TOR1AIP2: variants seen among roughly 807,000 people sequenced by gnomAD.
TOR1AIP2 encodes the protein torsin 1A interacting protein 2.
A neutral mutation model predicts 32.6 loss-of-function variants in TOR1AIP2; 20 were observed. That is an observed-to-expected ratio of 0.61 (90% CI 0.43 to 0.89). The LOEUF is 0.89. TOR1AIP2 is among the 40% of genes least tolerant of loss of function. The pLI is 0.00. For synonymous variants in TOR1AIP2, 214 were observed against 210.8 expected, an observed-to-expected ratio of 1.02 and a Z score of -0.13; for missense variants, 456 against 553.8, an observed-to-expected ratio of 0.82 and a Z score of 1.77.
At position 179,842,582 on chromosome 1, in the gene TOR1AIP2, A is replaced by C. The variant is rs899527771; in HGVS notation, c.*3489T>G. On this transcript the variant is annotated 3_prime_UTR_variant, in exon 7 of 7. Transcript: ENST00000609928. ...ATTACTCAAGAAGTAATTTATATTA[A>C]TATACAGTGTAATGAAAGTTGTTCT... 3 of 152,208 alleles carry C rather than the reference A, an allele frequency of 2.0e-5. No homozygotes were observed. The highest frequency in any genetic ancestry group is 7.2e-5 in the African/African-American group (3 of 41,446). 9.4% of individuals were successfully genotyped at this position (152,208 alleles called of 1,614,324 possible). A position where few individuals can be genotyped will look rare whatever the true frequency, so the allele number is the denominator to read the frequency against.
chr1:179,858,867 T>A (rs1319146523), intron 3 of TOR1AIP2, among the ~76,000 whole-genome samples: 1 of 152,020 alleles, frequency 6.6e-6, no homozygotes, highest in Non-Finnish European at 1.5e-5. Context: ...GGGGAAAACC[T>A]GGGGAGGGGA....
intron 3 of TOR1AIP2, 90 bp from the exon 4 acceptor site, chr1:179,852,901 T>C (rs1248113251): frequency 2.0e-6 from 2 of 987,470 alleles, no homozygotes; most frequent in African/African-American, 3.3e-5. Flanking sequence ...TATGTGTAGC[T>C]TGAGTACTAT....
At chr1:179,847,959 G>A (rs934062622) in intron 5 of TOR1AIP2, among the ~76,000 whole-genome samples, 7 of 151,722 alleles carry the variant, frequency 4.6e-5, no homozygotes, top group African/African-American at 1.7e-4. Context: ...CTTGAACCTG[G>A]GAGGTGGAGG....
chr1:179,870,890 G>T (rs1441935373), intron 2 of TOR1AIP2, among the ~76,000 whole-genome samples: 1 of 152,186 alleles, frequency 6.6e-6, no homozygotes, highest in African/African-American at 2.4e-5. Flanking sequence ...AATACCTTGA[G>T]AACTACCATT....
intron 2 of TOR1AIP2, chr1:179,874,417 AG>A (rs1012957857): frequency 8.9e-4 from 135 of 152,338 alleles, no homozygotes; most frequent in African/African-American, 2.9e-3. Context: ...TTGTCTCAAA[AG>A]AAAAAGAAAA....
At chr1:179,862,557 TA>T in intron 3 of TOR1AIP2, 1 of 985,376 alleles carries the variant, frequency 1.0e-6, no homozygotes, top group Non-Finnish European at 1.2e-6. Flanking sequence ...GACTAACAAA[TA>T]ACTTCAGGTT....
chr1:179,862,647 G>C, intron 3 of TOR1AIP2: 1 of 985,374 alleles, frequency 1.0e-6, no homozygotes, highest in South Asian at 4.7e-5. Context: ...AAAGAGCCCT[G>C]GTCAGGCACG....
chr1:179,863,365 A>C (rs1696632149), intron 3 of TOR1AIP2: 1 of 985,210 alleles, frequency 1.0e-6, no homozygotes, highest in African/African-American at 1.7e-5. Context: ...AGATGTAAGA[A>C]GAAATTTGCT....
chr1:179,854,403 T>C (rs768702573), intron 3 of TOR1AIP2, among the ~76,000 whole-genome samples: 4 of 152,166 alleles, frequency 2.6e-5, no homozygotes, highest in African/African-American at 4.8e-5. Flanking sequence ...TCCAAATTAA[T>C]CTACAAATTT....
chr1:179,871,288 T>G (rs1474322740), intron 2 of TOR1AIP2, among the ~76,000 whole-genome samples: 2 of 152,250 alleles, frequency 1.3e-5, no homozygotes, highest in African/African-American at 4.8e-5. Flanking sequence ...AGGGGTTTTG[T>G]GTATGTAAAC....
intron 2 of TOR1AIP2, among the ~76,000 whole-genome samples, chr1:179,872,649 A>G (rs1422167571): frequency 6.6e-6 from 1 of 152,206 alleles, no homozygotes; most frequent in Non-Finnish European, 1.5e-5. Flanking sequence ...AATTCTACAG[A>G]TATTTTCTGA....
At chr1:179,871,816 AAG>A (rs1010439716) in intron 2 of TOR1AIP2, among the ~76,000 whole-genome samples, 2 of 152,242 alleles carry the variant, frequency 1.3e-5, no homozygotes, top group Non-Finnish European at 2.9e-5. Context: ...GTGAAATCTT[AAG>A]AGTTTCCTAT....
chr1:179,862,624 G>A (rs954439951), intron 3 of TOR1AIP2: 21 of 985,226 alleles, frequency 2.1e-5, no homozygotes, highest in Admixed American at 6.2e-5. Context: ...CATTCCTCAC[G>A]TTTTCCTTGC....
chr1:179,872,300 T>C (rs190862201), intron 2 of TOR1AIP2, among the ~76,000 whole-genome samples: 23 of 152,340 alleles, frequency 1.5e-4, no homozygotes, highest in Admixed American at 3.3e-4. Context: ...ACAATTTCAC[T>C]TCAAAACACC....
intron 3 of TOR1AIP2, among the ~76,000 whole-genome samples, chr1:179,857,782 C>T (rs1267387380): frequency 6.6e-6 from 1 of 152,082 alleles, no homozygotes; most frequent in East Asian, 1.9e-4. Context: ...TACAATTCTG[C>T]TATGAAAACA....
At chr1:179,862,379 G>A (rs577519183) in intron 3 of TOR1AIP2, 325 of 985,244 alleles carry the variant, frequency 3.3e-4, no homozygotes, top group Non-Finnish European at 3.8e-4. Flanking sequence ...TTTAGGAGGA[G>A]TTGTAGGATA....
At chr1:179,861,156 A>G (rs1317372701) in intron 3 of TOR1AIP2, 11 of 985,212 alleles carry the variant, frequency 1.1e-5, no homozygotes, top group Non-Finnish European at 1.3e-5. Context: ...AATATTACCA[A>G]CTCTTCCACA....
chr1:179,860,919 G>A lies in TOR1AIP2; in HGVS notation c.-147+4517C>T, dbSNP rs2148441959. ...TGCCACATATTCTTTGGATGCCATG[G>A]ACTCATTTCTGCCTTCCTGTTTGCC... On this transcript the variant is annotated intron_variant, in intron 3 of 6. Transcript: ENST00000609928. The A allele has an allele frequency of 8.1e-6, 8 of 985,484 alleles. No homozygotes were observed. In the South Asian group the frequency reaches 3.8e-4, roughly 46 times the overall value. The allele number at this position is 985,484 out of a possible 1,614,324, so 61.0% of individuals were successfully genotyped here.
intron 3 of TOR1AIP2, chr1:179,864,562 G>A (rs1301149795): frequency 1.2e-5 from 15 of 1,292,338 alleles, no homozygotes; most frequent in African/African-American, 1.8e-5. Flanking sequence ...CAGTCTAGAT[G>A]AACAGATTAG....
Sources: allele counts gnomAD v4.1 joint callset (sites outside exome capture counted in the v4.1 genomes callset), GRCh38; gene constraint gnomAD v4.1.1; transcripts MANE v1.5; gene names NCBI Gene and HGNC (gene_info 2026-07-23, HGNC 2026-07-21).